The following STIMATE variants were observed in gnomAD, a reference collection of about 807,000 sequenced individuals.
The protein encoded by STIMATE is store-operated calcium entry regulator STIMATE.
STIMATE carries 15 observed loss-of-function variants against 36.7 expected under a neutral mutation model. The ratio of observed to expected loss-of-function variants is 0.41; its 90% CI spans 0.27 to 0.63. STIMATE has a LOEUF of 0.63. Among genes scored for constraint, STIMATE ranks in the 20% least tolerant of loss-of-function variants. The probability of loss-of-function intolerance (pLI) is 0.32; values close to 1 mark genes in which losing one functional copy is unlikely to be tolerated. For missense variants in STIMATE, 305 were observed against 397.3 expected (o/e 0.77, Z 1.98); for synonymous variants, 163 against 162.3 (o/e 1.00, Z -0.03).
chr3:52,863,217 C>T (rs1206694538), intron 1 of STIMATE, among the ~76,000 whole-genome samples: 2 of 152,116 alleles, frequency 1.3e-5, no homozygotes, highest in Non-Finnish European at 2.9e-5. Context: ...TAAAGACATA[C>T]CCGAGACTGG....
At chr3:52,857,789 A>G (rs1052329991) in intron 1 of STIMATE, among the ~76,000 whole-genome samples, 3 of 151,628 alleles carry the variant, frequency 2.0e-5, no homozygotes, top group African/African-American at 7.3e-5. Flanking sequence ...GAGAAAGAGA[A>G]GCAAATGTGG....
chr3:52,877,878 G>C (rs1355631952), intron 1 of STIMATE, among the ~76,000 whole-genome samples: 1 of 152,088 alleles, frequency 6.6e-6, no homozygotes, highest in Non-Finnish European at 1.5e-5. Flanking sequence ...GGCAGATCAC[G>C]AGGTCAGGAG....
Position 52,842,939 on chromosome 3 carries a change from C to T in STIMATE, c.640G>A (p.Asp214Asn). The change falls in exon 7 of 8, where the codon GAC (aspartate) becomes AAC (asparagine). Residue 214 changes from aspartate (D) to asparagine (N), a missense_variant. Transcript: ENST00000355083. The part of the protein sequence containing the change: ...FVNALMFWVV[D>N]NFLMRKGKTK... Reference sequence around the variant, plus strand: ...TTCCCCTTTCTCATGAGGAAATTGTCCACTACCCAAAACATCAAAGCCTGT... The same window carrying T: ...TTCCCCTTTCTCATGAGGAAATTGTTCACTACCCAAAACATCAAAGCCTGT... 1 of 1,614,208 alleles carries T rather than the reference C, an allele frequency of 6.2e-7. No homozygotes were observed. Among genetic ancestry groups the T allele is most frequent in the Non-Finnish European group, 8.5e-7 (1 of 1,180,046 alleles).
intron 1 of STIMATE, among the ~76,000 whole-genome samples, chr3:52,884,068 G>C (rs908386538): frequency 1.4e-4 from 21 of 152,134 alleles, no homozygotes; most frequent in African/African-American, 5.1e-4. Context: ...GAACTCTGTA[G>C]AGCAGCTTGA....
chr3:52,888,931 C>T (rs905519447), intron 1 of STIMATE, among the ~76,000 whole-genome samples: 1 of 152,174 alleles, frequency 6.6e-6, no homozygotes, highest in African/African-American at 2.4e-5. Flanking sequence ...TATCCCCAGC[C>T]TCTCCCTCCT....
At chr3:52,888,472 G>A (rs906327578) in intron 1 of STIMATE, among the ~76,000 whole-genome samples, 4 of 152,220 alleles carry the variant, frequency 2.6e-5, no homozygotes, top group Non-Finnish European at 4.4e-5. Context: ...CTAATGATCC[G>A]ATGGTGCACA....
At chr3:52,851,271 AG>A (rs1700992526) in intron 3 of STIMATE, among the ~76,000 whole-genome samples, 1 of 152,236 alleles carries the variant, frequency 6.6e-6, no homozygotes, top group African/African-American at 2.4e-5. Context: ...CATGGTAGAC[AG>A]AGTGGGAGAC....
intron 1 of STIMATE, among the ~76,000 whole-genome samples, chr3:52,876,994 C>G (rs139918865): frequency 6.6e-6 from 1 of 152,272 alleles, no homozygotes; most frequent in Admixed American, 6.5e-5. Context: ...TATACATAGT[C>G]CAAAATTTCA....
intron 4 of STIMATE, among the ~76,000 whole-genome samples, chr3:52,848,775 G>A (rs1700949059): frequency 6.6e-6 from 1 of 152,156 alleles, no homozygotes; most frequent in South Asian, 2.1e-4. Flanking sequence ...AGGACTCAAT[G>A]ACTCGCAGCT....
chr3:52,895,959 T>C (rs1206568605), intron 1 of STIMATE: 1 of 1,289,470 alleles, frequency 7.8e-7, no homozygotes, highest in Non-Finnish European at 1.0e-6. Flanking sequence ...ATTATTACTG[T>C]GGGAACAAGT....
chr3:52,873,701 G>A (rs776922486), intron 1 of STIMATE, among the ~76,000 whole-genome samples: 2 of 152,150 alleles, frequency 1.3e-5, no homozygotes, highest in South Asian at 2.1e-4. Context: ...GCCAAGAGGC[G>A]CTGGGGACCT....
chr3:52,855,597 G>C (rs779367702), intron 1 of STIMATE, among the ~76,000 whole-genome samples, 153 bp from the exon 2 acceptor site: 6 of 152,176 alleles, frequency 3.9e-5, no homozygotes, highest in Non-Finnish European at 7.3e-5. Flanking sequence ...TAAGCCCTGC[G>C]AAGGTCACTG....
intron 7 of STIMATE, among the ~76,000 whole-genome samples, chr3:52,841,950 G>C (rs1700804401): frequency 6.6e-6 from 1 of 152,208 alleles, no homozygotes; most frequent in Admixed American, 6.5e-5. Context: ...CTAGAGACAA[G>C]CACCTAGAGA....
intron 2 of STIMATE, 51 bp from the exon 3 acceptor site, chr3:52,852,749 C>T (rs780256850): frequency 1.6e-5 from 26 of 1,599,326 alleles, no homozygotes; most frequent in Non-Finnish European, 2.2e-5. Context: ...AGCGCAATAT[C>T]CAATTTGAGG....
intron 1 of STIMATE, among the ~76,000 whole-genome samples, chr3:52,861,348 C>A (rs1369348168): frequency 6.6e-6 from 1 of 152,174 alleles, no homozygotes; most frequent in Non-Finnish European, 1.5e-5. Context: ...TGATGAGATG[C>A]ACCAATTGTC....
chr3:52,842,342 G>C (rs1203892793), intron 7 of STIMATE, among the ~76,000 whole-genome samples: 4 of 152,204 alleles, frequency 2.6e-5, no homozygotes, highest in African/African-American at 9.7e-5. Flanking sequence ...CAGAAAATAA[G>C]GGGGGGATGA....
rs1196728791 is a variant in STIMATE, at chr3:52,897,502, G to C, written c.-52C>G. ...GGCCCAGGGCCCGCCCGGCCTCGCT[G>C]CCTGCCGGCGCAGCGCCGCCAAACC... On this transcript the variant is annotated 5_prime_UTR_variant, in exon 1 of 8. Coordinates refer to ENST00000355083, the MANE Select transcript of STIMATE (RefSeq NM_198563.5). 1 of 1,197,050 alleles carries C rather than the reference G, an allele frequency of 8.4e-7. No individual in the cohort carries two copies. Among genetic ancestry groups the C allele is most frequent in the Non-Finnish European group, 1.0e-6 (1 of 966,624 alleles). 74.2% of individuals were successfully genotyped at this position (1,197,050 alleles called of 1,614,324 possible).
At chr3:52,895,761 A>G in intron 1 of STIMATE, 1 of 578,748 alleles carries the variant, frequency 1.7e-6, no homozygotes. Flanking sequence ...AGCCAGAGCT[A>G]GGCTAAGAAA....
intron 2 of STIMATE, 119 bp from the exon 3 acceptor site, chr3:52,852,817 C>T: frequency 7.8e-7 from 1 of 1,284,454 alleles, no homozygotes; most frequent in Non-Finnish European, 1.1e-6. Flanking sequence ...CACTGGTTAT[C>T]TCTTCCTGGG....
Sources: allele counts gnomAD v4.1 joint callset (sites outside exome capture counted in the v4.1 genomes callset), GRCh38; gene constraint gnomAD v4.1.1; transcripts MANE v1.5; gene names NCBI Gene and HGNC (gene_info 2026-07-23, HGNC 2026-07-21).